The following KRTAP4-12 variants were observed in gnomAD, a reference collection of about 807,000 sequenced individuals.
KRTAP4-12 encodes the protein keratin-associated protein 4-12.
In KRTAP4-12, 1 loss-of-function variant was observed where a neutral mutation model predicts 0.9. The ratio of observed to expected loss-of-function variants is 1.11; its 90% CI spans 0.40 to 5.29. The LOEUF (loss-of-function observed/expected upper bound fraction) is 5.29, where lower values mean the gene tolerates loss of function less well. Ranked by LOEUF, KRTAP4-12 falls within the 30% of genes most tolerant of loss-of-function variation. KRTAP4-12 has a pLI of 0.16. For synonymous variants in KRTAP4-12, 85 were observed against 94.0 expected, an observed-to-expected ratio of 0.90 and a Z score of 0.55; for missense variants, 240 against 265.6, an observed-to-expected ratio of 0.90 and a Z score of 0.67.
chr17:41,123,249 C>T lies in KRTAP4-12; in HGVS notation c.*268G>A. On this transcript the variant is annotated 3_prime_UTR_variant, in exon 1 of 1. Coordinates refer to ENST00000394014, the MANE Select transcript of KRTAP4-12 (RefSeq NM_031854.3). ...AAATGATGGAGGCAATCTTCAAATT[C>T]CTTAGGCATGATGAATAAATGTCCT... The T allele has an allele frequency of 1.5e-6, 1 of 668,338 alleles. No homozygotes were observed. Among genetic ancestry groups the T allele is most frequent in the Non-Finnish European group, 2.4e-6 (1 of 408,190 alleles). 41.4% of individuals were successfully genotyped at this position (668,338 alleles called of 1,614,324 possible). A position where few individuals can be genotyped will look rare whatever the true frequency, so the allele number is the denominator to read the frequency against.
Position 41,123,317 on chromosome 17 carries a change from T to G in KRTAP4-12, c.*200A>C. On this transcript the variant is annotated 3_prime_UTR_variant, in exon 1 of 1. Transcript: ENST00000394014. ...AGGATGTTGGAGGACAATTTGTCAATTTATTAGGAGATTGTCAATGAATTC... is the reference window on the plus strand; with the variant it reads ...AGGATGTTGGAGGACAATTTGTCAAGTTATTAGGAGATTGTCAATGAATTC... 1 of 1,092,494 alleles carries G rather than the reference T, an allele frequency of 9.2e-7. No individual in the cohort carries two copies. The highest frequency in any genetic ancestry group is 1.3e-6 in the Non-Finnish European group (1 of 776,982). 67.7% of individuals were successfully genotyped at this position (1,092,494 alleles called of 1,614,324 possible). A position where few individuals can be genotyped will look rare whatever the true frequency, so the allele number is the denominator to read the frequency against.
rs547029739 is a variant in KRTAP4-12 at position 41,123,905 on chromosome 17, G to T, written c.218C>A (p.Thr73Asn). The change falls in exon 1 of 1, where the codon ACC becomes AAC. Residue 73 changes from threonine to asparagine, a missense_variant. By Grantham distance (65) the Thr-to-Asn change is moderately conservative. This residue lies in a region of KRTAP4-12 where 110 missense variants were observed against 115.0 expected (regional missense o/e 0.96). Transcript: ENST00000394014. Reference protein sequence around the residue: ...PSCCQTTCCRTTCCRPSCCVS... With the variant: ...PSCCQTTCCRNTCCRPSCCVS... ...ACAGCAGCTGGGGCGGCAGCAGGTG[G>T]TCCTACAGCAGGTGGTCTGACAGCA... The T allele has an allele frequency of 1.3e-6, 2 of 1,568,194 alleles. No homozygotes were observed. The highest frequency in any genetic ancestry group is 1.7e-6 in the Non-Finnish European group (2 of 1,173,690).
rs575040454 is a variant in KRTAP4-12 at position 41,123,774 on chromosome 17, G to A, written c.349C>T (p.Arg117Cys). 3.2e-6 allele frequency: 5 copies of A among 1,586,502 alleles called. No individual in the cohort carries two copies. Among genetic ancestry groups the A allele is most frequent in the Non-Finnish European group, 2.6e-6 (3 of 1,172,658 alleles). Residue 117 changes from arginine to cysteine, a missense_variant, in exon 1 of 1, where the codon CGC becomes TGC. Physicochemically the swap from Arg to Cys is radical, Grantham distance 180. This residue lies in a region of KRTAP4-12 where 11 missense variants were observed against 44.3 expected (regional missense o/e 0.25). Transcript: ENST00000394014. ...CAGCTGGACACACAGCAGCTGGGGC[G>A]GCAGCAAGTGGTCCTGCAGCAGGTG... ...QTTCCRTTCCRPSCCVSSCCR... is the reference protein window; with the variant it reads ...QTTCCRTTCCCPSCCVSSCCR...
chr17:41,123,493 A>G lies in KRTAP4-12; in HGVS notation c.*24T>C. Reference sequence around the variant, plus strand: ...ATCTGTAGGAAAGGACGTAATAAGGAAGTGGTGTGTTCACAGCAGAGATTT... The same window carrying G: ...ATCTGTAGGAAAGGACGTAATAAGGGAGTGGTGTGTTCACAGCAGAGATTT... On this transcript the variant is annotated 3_prime_UTR_variant, in exon 1 of 1. Transcript: ENST00000394014. 1 of 1,597,930 alleles carries G rather than the reference A, an allele frequency of 6.3e-7. No individual in the cohort carries two copies. The highest frequency in any genetic ancestry group is 1.7e-5 in the Admixed American group (1 of 57,732).
chr17:41,123,994 G>C lies in KRTAP4-12; in HGVS notation c.129C>G (p.Ser43=). ...TTCCRPSCCV[S]SCCRPQCCQS... The stretch of plus-strand genomic sequence containing the variant: ...GGCAGCACTGGGGCCTGCAGCAGCT[G>C]GACACACAGCAGCTGGGGCGGCAGC... Residue 43 remains serine, a synonymous_variant, in exon 1 of 1, where the codon TCC becomes TCG. Transcript: ENST00000394014. 6.2e-7 allele frequency: 1 copy of C among 1,604,650 alleles called. No homozygotes were observed.
Position 41,123,188 on chromosome 17 carries a change from C to G in KRTAP4-12, c.*329G>C, listed in dbSNP as rs2014434825. The G allele has an allele frequency of 2.1e-6, 1 of 483,164 alleles. No homozygotes were observed. Among genetic ancestry groups the G allele is most frequent in the African/African-American group, 1.9e-5 (1 of 51,440 alleles). 29.9% of individuals were successfully genotyped at this position (483,164 alleles called of 1,614,324 possible). On this transcript the variant is annotated 3_prime_UTR_variant, in exon 1 of 1. Transcript: ENST00000394014. ...ACTTTAAGAGAGAGACTTCACTGGA[C>G]TTCAAGGTTGGAGGCTTTAAGATCT...
At position 41,123,947 on chromosome 17, in the gene KRTAP4-12, G is replaced by A; in HGVS notation, c.176C>T (p.Thr59Ile). 6.4e-7 allele frequency: 1 copy of A among 1,557,128 alleles called. No individual in the cohort carries two copies. Among genetic ancestry groups the A allele is most frequent in the East Asian group, 2.6e-5 (1 of 38,606 alleles). ...CTGACAGCAGCTGGGGCGGCAGCAG[G>A]TGGGCTGACAGCACACAGACTGGCA... Reference protein sequence around the residue: ...QCCQSVCCQPTCCRPSCCQTT... With the variant: ...QCCQSVCCQPICCRPSCCQTT... Residue 59 changes from threonine (T) to isoleucine (I), a missense_variant, in exon 1 of 1, where the codon ACC becomes ATC. By Grantham distance (89) the Thr-to-Ile change is moderately conservative. Coordinates refer to ENST00000394014, the MANE Select transcript of KRTAP4-12 (RefSeq NM_031854.3).
rs774766603 is a variant in KRTAP4-12 at position 41,123,766 on chromosome 17, G to T, written c.357C>A (p.Ser119Arg). The T allele has an allele frequency of 2.5e-6, 4 of 1,587,196 alleles. No homozygotes were observed. The East Asian group carries it at 8.2e-5, about 32-fold the overall frequency. The part of the protein sequence containing the change: ...TCCRTTCCRP[S>R]CCVSSCCRPQ... Reference sequence around the variant, plus strand: ...GTCTGCAGCAGCTGGACACACAGCAGCTGGGGCGGCAGCAAGTGGTCCTGC... The same window carrying T: ...GTCTGCAGCAGCTGGACACACAGCATCTGGGGCGGCAGCAAGTGGTCCTGC... Residue 119 changes from serine to arginine, a missense_variant, in exon 1 of 1, where the codon AGC becomes AGA. This residue lies in a region of KRTAP4-12 where 11 missense variants were observed against 44.3 expected (regional missense o/e 0.25). Transcript: ENST00000394014.
At position 41,123,366 on chromosome 17, in the gene KRTAP4-12, CA is replaced by C. The variant is rs1342562979; in HGVS notation, c.*150del. ...TCCTTTGGAAGGAAGGGAGTTTGGA[CA>C]AAAGGTAGAATGCAAATACAGAATT... On this transcript the variant is annotated 3_prime_UTR_variant, in exon 1 of 1. Transcript: ENST00000394014. The C allele has an allele frequency of 1.6e-5, 22 of 1,395,462 alleles. No individual in the cohort carries two copies. The African/African-American group carries it at 2.8e-4, about 18-fold the overall frequency. 86.4% of individuals were successfully genotyped at this position (1,395,462 alleles called of 1,614,324 possible).
At position 41,123,860 on chromosome 17, in the gene KRTAP4-12, G is replaced by A. The variant is rs2014455101; in HGVS notation, c.263C>T (p.Pro88Leu). 6.2e-7 allele frequency: 1 copy of A among 1,611,070 alleles called. No individual in the cohort carries two copies. Among genetic ancestry groups the A allele is most frequent in the South Asian group, 1.1e-5 (1 of 90,806 alleles). ...PSCCVSSCCR[P>L]QCCQSVCCQP... Reference sequence around the variant, plus strand: ...GCAGCACACAGACTGGCAGCACTGGGGTCTGCAGCAGCTGGACACACAGCA... The same window carrying A: ...GCAGCACACAGACTGGCAGCACTGGAGTCTGCAGCAGCTGGACACACAGCA... Residue 88 changes from proline to leucine, a missense_variant, in exon 1 of 1, where the codon CCC becomes CTC. Transcript: ENST00000394014.
chr17:41,123,753 T>C lies in KRTAP4-12; in HGVS notation c.370A>G (p.Ser124Gly), dbSNP rs1361016205. The C allele has an allele frequency of 1.2e-6, 2 of 1,609,226 alleles. No individual in the cohort carries two copies. Among genetic ancestry groups the C allele is most frequent in the African/African-American group, 1.4e-5 (1 of 73,686 alleles). Residue 124 changes from serine (S) to glycine (G), a missense_variant, in exon 1 of 1, where the codon AGC becomes GGC. Transcript: ENST00000394014. ...TGGCAGCACTGGGGTCTGCAGCAGC[T>C]GGACACACAGCAGCTGGGGCGGCAG... is the stretch of plus-strand genomic sequence containing the variant. ...TCCRPSCCVS[S>G]CCRPQCCQSV...
chr17:41,124,023 T>A lies in KRTAP4-12; in HGVS notation c.100A>T (p.Thr34Ser). Residue 34 changes from threonine (T) to serine (S), a missense_variant, in exon 1 of 1, where the codon ACC becomes TCC. Transcript: ENST00000394014. ...SCCQTTCCRT[T>S]CCRPSCCVSS... ...ACACAGCAGCTGGGGCGGCAGCAGG[T>A]GGTCCTGCAGCAGGTGGTCTGGCAG... 6.2e-7 allele frequency: 1 copy of A among 1,610,910 alleles called. No individual in the cohort carries two copies. The highest frequency in any genetic ancestry group is 8.5e-7 in the Non-Finnish European group (1 of 1,179,296).
chr17:41,124,006 G>A lies in KRTAP4-12; in HGVS notation c.117C>T (p.Ser39=), dbSNP rs1340769496. The A allele has an allele frequency of 6.2e-7, 1 of 1,605,488 alleles. No homozygotes were observed. Among genetic ancestry groups the A allele is most frequent in the Admixed American group, 1.7e-5 (1 of 58,900 alleles). ...GCCTGCAGCAGCTGGACACACAGCA[G>A]CTGGGGCGGCAGCAGGTGGTCCTGC... The part of the protein sequence containing the change: ...TCCRTTCCRP[S]CCVSSCCRPQ... The change falls in exon 1 of 1, where the codon AGC becomes AGT. Residue 39 remains serine, a synonymous_variant. Transcript: ENST00000394014.
chr17:41,123,178 C>A lies in KRTAP4-12; in HGVS notation c.*339G>T. On this transcript the variant is annotated 3_prime_UTR_variant, in exon 1 of 1. Transcript: ENST00000394014. ...TTTGCAAAAGACTTTAAGAGAGAGACTTCACTGGACTTCAAGGTTGGAGGC... is the reference window on the plus strand; with the variant it reads ...TTTGCAAAAGACTTTAAGAGAGAGAATTCACTGGACTTCAAGGTTGGAGGC... The A allele has an allele frequency of 2.2e-6, 1 of 450,394 alleles. No homozygotes were observed. Among genetic ancestry groups the A allele is most frequent in the Non-Finnish European group, 3.9e-6 (1 of 258,598 alleles). The allele number at this position is 450,394 out of a possible 1,614,324, so 27.9% of individuals were successfully genotyped here. A position where few individuals can be genotyped will look rare whatever the true frequency, so the allele number is the denominator to read the frequency against.
rs1414709524 is a variant in KRTAP4-12, at chr17:41,123,200, A to T, written c.*317T>A. 3 of 507,156 alleles carry T rather than the reference A, an allele frequency of 5.9e-6. No homozygotes were observed. The highest frequency in any genetic ancestry group is 3.6e-5 in the South Asian group (1 of 27,792). The allele number at this position is 507,156 out of a possible 1,614,324, so 31.4% of individuals were successfully genotyped here. ...AGACTTCACTGGACTTCAAGGTTGGAGGCTTTAAGATCTGTGGCCCTACAA... is the reference window on the plus strand; with the variant it reads ...AGACTTCACTGGACTTCAAGGTTGGTGGCTTTAAGATCTGTGGCCCTACAA... On this transcript the variant is annotated 3_prime_UTR_variant, in exon 1 of 1. Transcript: ENST00000394014.
chr17:41,123,934 G>A lies in KRTAP4-12; in HGVS notation c.189C>T (p.Pro63=), dbSNP rs1311524172. The change falls in exon 1 of 1, where the codon CCC becomes CCT. Residue 63 remains proline (P), a synonymous_variant. Transcript: ENST00000394014. Reference sequence around the variant, plus strand: ...TACAGCAGGTGGTCTGACAGCAGCTGGGGCGGCAGCAGGTGGGCTGACAGC... The same window carrying A: ...TACAGCAGGTGGTCTGACAGCAGCTAGGGCGGCAGCAGGTGGGCTGACAGC... ...SVCCQPTCCR[P]SCCQTTCCRT... The A allele has an allele frequency of 9.0e-6, 14 of 1,560,562 alleles. No individual in the cohort carries two copies.
chr17:41,124,029 T>G lies in KRTAP4-12; in HGVS notation c.94A>C (p.Arg32=), dbSNP rs553101680. 9 of 1,611,060 alleles carry G rather than the reference T, an allele frequency of 5.6e-6. No homozygotes were observed. The South Asian group carries it at 9.9e-5, about 18-fold the overall frequency. ...CAGCTGGGGCGGCAGCAGGTGGTCC[T>G]GCAGCAGGTGGTCTGGCAGCAGCTG... ...RPSCCQTTCC[R]TTCCRPSCCV... Residue 32 remains arginine, a synonymous_variant, in exon 1 of 1, where the codon AGG becomes CGG. Coordinates refer to ENST00000394014, the MANE Select transcript of KRTAP4-12 (RefSeq NM_031854.3).
At position 41,124,070 on chromosome 17, in the gene KRTAP4-12, T is replaced by A; in HGVS notation, c.53A>T (p.Glu18Val). The A allele has an allele frequency of 6.2e-7, 1 of 1,613,514 alleles. No homozygotes were observed. The highest frequency in any genetic ancestry group is 8.5e-7 in the Non-Finnish European group (1 of 1,179,930). Residue 18 changes from glutamate to valine, a missense_variant, in exon 1 of 1, where the codon GAG becomes GTG. Transcript: ENST00000394014. ...SVCSDQGCGL[E>V]NCCRPSCCQT... ...GCAGCAGCTGGGGCGGCAGCAGTTC[T>A]CCAGGCCACAGCCCTGGTCAGAGCA... is the stretch of plus-strand genomic sequence containing the variant.
At position 41,123,893 on chromosome 17, in the gene KRTAP4-12, C is replaced by T. The variant is rs201968324; in HGVS notation, c.230G>A (p.Arg77His). 758 of 1,567,498 alleles carry T rather than the reference C, an allele frequency of 4.8e-4. 26 individuals are homozygous for T. In the African/African-American group the frequency reaches 0.012, roughly 25 times the overall value. The change falls in exon 1 of 1, where the codon CGC becomes CAC. Residue 77 changes from arginine to histidine, a missense_variant. Transcript: ENST00000394014. Reference sequence around the variant, plus strand: ...GCAGCTGGACACACAGCAGCTGGGGCGGCAGCAGGTGGTCCTACAGCAGGT... The same window carrying T: ...GCAGCTGGACACACAGCAGCTGGGGTGGCAGCAGGTGGTCCTACAGCAGGT... Reference protein sequence around the residue: ...QTTCCRTTCCRPSCCVSSCCR... With the variant: ...QTTCCRTTCCHPSCCVSSCCR...
Sources: allele counts gnomAD v4.1 joint callset, GRCh38; gene constraint gnomAD v4.1.1; regional missense constraint gnomAD v4.1.1; transcripts MANE v1.5; gene names NCBI Gene and HGNC (gene_info 2026-07-23, HGNC 2026-07-21).